TICRR: variants seen among roughly 807,000 people sequenced by gnomAD.
TICRR encodes treslin.
In TICRR, 132 loss-of-function variants were observed where a neutral mutation model predicts 178.1. The ratio of observed to expected loss-of-function variants is 0.74; its 90% CI spans 0.64 to 0.86. The LOEUF (loss-of-function observed/expected upper bound fraction) is 0.86. TICRR is among the 40% of genes least tolerant of loss of function. TICRR has a pLI of 0.00. For synonymous variants in TICRR, 991 were observed against 900.7 expected (o/e 1.10, Z -1.79); for missense variants, 2,587 against 2,334.3 (o/e 1.11, Z -2.23).
intron 13 of TICRR, among the ~76,000 whole-genome samples, chr15:89,603,687 A>C (rs1963132076): frequency 6.6e-6 from 1 of 152,236 alleles, no homozygotes; most frequent in Non-Finnish European, 1.5e-5. Context: ...CCTTATCTGC[A>C]GAAGATATGT....
chr15:89,626,156 G>A (rs908463985), intron 21 of TICRR, 95 bp downstream of exon 21: 2 of 1,486,224 alleles, frequency 1.3e-6, no homozygotes, highest in Non-Finnish European at 1.8e-6. Context: ...GAGCCCCAGG[G>A]AGTGCCAAGT....
At chr15:89,614,616 C>T (rs1206300809) in intron 15 of TICRR, among the ~76,000 whole-genome samples, 1 of 152,236 alleles carries the variant, frequency 6.6e-6, no homozygotes, top group Admixed American at 6.5e-5. Flanking sequence ...CAAGCATGAG[C>T]CACTGCACCC....
At position 89,627,215 on chromosome 15, in the gene TICRR, G is replaced by A. The variant is rs999156024; in HGVS notation, c.*129G>A. 5.0e-5 allele frequency: 57 copies of A among 1,149,502 alleles called. No individual in the cohort carries two copies. In the Admixed American group the frequency reaches 1.3e-3, roughly 26 times the overall value. 71.2% of individuals were successfully genotyped at this position (1,149,502 alleles called of 1,614,324 possible). A position where few individuals can be genotyped will look rare whatever the true frequency, so the allele number is the denominator to read the frequency against. ...TTCAGATTGCCATTAGAATGCCTTA[G>A]GGTTTTCTAATTCCCCTTATGGATC... On this transcript the variant is annotated 3_prime_UTR_variant, in exon 22 of 22. Transcript: ENST00000268138.
In TICRR at chr15:89,609,100, C is replaced by CTTTTTT. The variant is rs59398617; in HGVS notation, c.2869+174_2869+179dup. 5.4e-3 allele frequency: 462 copies of CTTTTTT among 84,892 alleles called. 63 individuals are homozygous for CTTTTTT. The highest frequency in any genetic ancestry group is 0.013 in the East Asian group (29 of 2,216). The allele number at this position is 84,892 out of a possible 1,614,324, so 5.3% of individuals were successfully genotyped here. On this transcript the variant is annotated intron_variant, in intron 15 of 21. Coordinates refer to ENST00000268138, the MANE Select transcript of TICRR (RefSeq NM_152259.4). ...CTAAAGGTTTGTCAATTTTGTTAATCTTTTTTTTTTTTTTTTTTTTTTTTT... is the reference window on the plus strand; with the variant it reads ...CTAAAGGTTTGTCAATTTTGTTAATCTTTTTTTTTTTTTTTTTTTTTTTTTTTTTTT...
At chr15:89,606,887 T>C in intron 14 of TICRR, 62 bp downstream of exon 14, 2 of 1,458,240 alleles carry the variant, frequency 1.4e-6, no homozygotes, top group Non-Finnish European at 1.9e-6. Context: ...TTTTATTGTA[T>C]GTATTTAAGC....
intron 1 of TICRR, among the ~76,000 whole-genome samples, chr15:89,579,005 G>C (rs1962675362): frequency 6.6e-6 from 1 of 152,146 alleles, no homozygotes; most frequent in African/African-American, 2.4e-5. Context: ...AAGTAGAACT[G>C]GGAGAAACAG....
At chr15:89,619,647 C>A in intron 17 of TICRR, 61 bp from the exon 18 acceptor site, 1 of 1,548,696 alleles carries the variant, frequency 6.5e-7, no homozygotes. Flanking sequence ...TTTTGGACAA[C>A]ATGAGAAAAT....
chr15:89,617,850 C>G (rs1963360222), intron 16 of TICRR, among the ~76,000 whole-genome samples: 1 of 152,130 alleles, frequency 6.6e-6, no homozygotes, highest in Admixed American at 6.5e-5. Context: ...TGCCACCACG[C>G]CCAGCTAATT....
At position 89,576,253 on chromosome 15, in the gene TICRR, A is replaced by C; in HGVS notation, c.654+13A>C. 3 of 1,531,560 alleles carry C rather than the reference A, an allele frequency of 2.0e-6. No homozygotes were observed. The highest frequency in any genetic ancestry group is 2.6e-6 in the Non-Finnish European group (3 of 1,144,462). 94.9% of individuals were successfully genotyped at this position (1,531,560 alleles called of 1,614,324 possible). ...CGAATGGTCTAAGGTAAGGAAGGTT[A>C]CTGTCGTCTCAGATGGCGTGCACGG... is the stretch of plus-strand genomic sequence containing the variant. On this transcript the variant is annotated intron_variant, in intron 1 of 21. Transcript: ENST00000268138.
intron 3 of TICRR, 121 bp from the exon 4 acceptor site, chr15:89,585,587 T>A: frequency 1.4e-6 from 1 of 714,234 alleles, no homozygotes. Context: ...AAATCTATCT[T>A]TTTCATAGTT....
chr15:89,607,681 A>T (rs1330327072), intron 14 of TICRR, among the ~76,000 whole-genome samples: 1 of 152,064 alleles, frequency 6.6e-6, no homozygotes, highest in East Asian at 1.9e-4. Context: ...GTGAACCTTT[A>T]TGTCATTGAT....
Position 89,602,906 on chromosome 15 carries a change from C to A in TICRR, c.2664+14C>A. On this transcript the variant is annotated intron_variant, in intron 13 of 21. Transcript: ENST00000268138. ...GCTACGAAAAAAGTAAGTAAACCTTCCAGCTTGAGATGACACAGTAAATAA... is the reference window on the plus strand; with the variant it reads ...GCTACGAAAAAAGTAAGTAAACCTTACAGCTTGAGATGACACAGTAAATAA... The A allele has an allele frequency of 7.0e-7, 1 of 1,427,840 alleles. No homozygotes were observed. Among genetic ancestry groups the A allele is most frequent in the African/African-American group, 1.5e-5 (1 of 68,140 alleles). The allele number at this position is 1,427,840 out of a possible 1,614,324, so 88.4% of individuals were successfully genotyped here.
chr15:89,625,458 T>TG lies in TICRR; in HGVS notation c.5149dup (p.Glu1717GlyfsTer10). 1 of 1,613,932 alleles carries TG rather than the reference T, an allele frequency of 6.2e-7. No homozygotes were observed. The highest frequency in any genetic ancestry group is 8.5e-7 in the Non-Finnish European group (1 of 1,180,000). On this transcript the variant is annotated frameshift_variant, in exon 20 of 22. Transcript: ENST00000268138. LOFTEE classifies it high-confidence loss of function. Reference sequence around the variant, plus strand: ...ACCTTCCTGGGAGCCTGTCACTGCTTGAGTCAGAGGGCAAGGACCACGGCC... The same window carrying TG: ...ACCTTCCTGGGAGCCTGTCACTGCTTGGAGTCAGAGGGCAAGGACCACGGCC...
chr15:89,583,967 C>T (rs1304858969), intron 2 of TICRR, among the ~76,000 whole-genome samples: 3 of 152,194 alleles, frequency 2.0e-5, no homozygotes, highest in African/African-American at 7.2e-5. Flanking sequence ...AGATTGCAGG[C>T]ATGAGCCACC....
Position 89,624,838 on chromosome 15 carries a change from C to T in TICRR, c.4528C>T (p.Pro1510Ser), listed in dbSNP as rs1392870905. The T allele has an allele frequency of 6.2e-7, 1 of 1,614,154 alleles. No individual in the cohort carries two copies. Among genetic ancestry groups the T allele is most frequent in the Non-Finnish European group, 8.5e-7 (1 of 1,180,026 alleles). Reference sequence around the variant, plus strand: ...GTCTCACCCTGGGATTCCCCCATCTCCTCCTTCCTGTGGGCCTGGCTCTCC... The same window carrying T: ...GTCTCACCCTGGGATTCCCCCATCTTCTCCTTCCTGTGGGCCTGGCTCTCC... ...SLSHPGIPPS[P>S]PSCGPGSPLM... Residue 1510 changes from proline (P) to serine (S), a missense_variant, in exon 20 of 22, where the codon CCT becomes TCT. Coordinates refer to ENST00000268138, the MANE Select transcript of TICRR (RefSeq NM_152259.4).
Position 89,575,922 on chromosome 15 carries a change from G to A in TICRR, c.336G>A (p.Gln112=). ...TGATGGAGACGCTGCTAGACTACCAGTGGGACCGGCCCGAGATCACGTCGC... is the reference window on the plus strand; with the variant it reads ...TGATGGAGACGCTGCTAGACTACCAATGGGACCGGCCCGAGATCACGTCGC... ...GALMETLLDY[Q]WDRPEITSPT... Residue 112 remains glutamine, a synonymous_variant, in exon 1 of 22, where the codon CAG becomes CAA. Transcript: ENST00000268138. 1 of 1,594,050 alleles carries A rather than the reference G, an allele frequency of 6.3e-7. No individual in the cohort carries two copies. Among genetic ancestry groups the A allele is most frequent in the Non-Finnish European group, 8.5e-7 (1 of 1,172,274 alleles).
chr15:89,617,566 A>T (rs1963354690), intron 16 of TICRR, among the ~76,000 whole-genome samples: 1 of 152,188 alleles, frequency 6.6e-6, no homozygotes, highest in Non-Finnish European at 1.5e-5. Flanking sequence ...TCTGTCACTC[A>T]GGCTGGAGTG....
intron 14 of TICRR, among the ~76,000 whole-genome samples, chr15:89,607,202 C>G (rs942342841): frequency 6.6e-6 from 1 of 152,050 alleles, no homozygotes; most frequent in Admixed American, 6.6e-5. Flanking sequence ...AAGGATATTA[C>G]TGAGACAACT....
chr15:89,606,970 T>G lies in TICRR; in HGVS notation c.2722+145T>G. The G allele has an allele frequency of 1.0e-5, 6 of 584,034 alleles. No individual in the cohort carries two copies. The South Asian group carries it at 1.8e-4, about 17-fold the overall frequency. 36.2% of individuals were successfully genotyped at this position (584,034 alleles called of 1,614,324 possible). A position where few individuals can be genotyped will look rare whatever the true frequency, so the allele number is the denominator to read the frequency against. ...AAAATATGTCCAAATACCATGGACA[T>G]AGTCCCCTAGGAATAGTCTCAAAAT... On this transcript the variant is annotated intron_variant, in intron 14 of 21. Coordinates refer to ENST00000268138, the MANE Select transcript of TICRR (RefSeq NM_152259.4).
Sources: gnomAD v4.1 joint callset for allele counts (sites outside exome capture counted in the v4.1 genomes callset) on GRCh38, gnomAD v4.1.1 for gene constraint, MANE v1.5 for transcripts, NCBI Gene and HGNC (gene_info 2026-07-23, HGNC 2026-07-21) for gene names.